The following RPS6KC1 variants were observed in gnomAD, a reference collection of about 807,000 sequenced individuals.
RPS6KC1 encodes ribosomal protein S6 kinase C1.
RPS6KC1 carries 54 observed loss-of-function variants against 103.8 expected under a neutral mutation model. The ratio of observed to expected loss-of-function variants is 0.52; its 90% CI spans 0.42 to 0.65. The LOEUF is 0.65. Ranked by LOEUF, RPS6KC1 falls within the 30% of genes least tolerant of loss-of-function variation. The pLI is 0.00. For synonymous variants in RPS6KC1, 439 were observed against 438.7 expected (o/e 1.00, Z -0.01); for missense variants, 1,151 against 1,253.8 (o/e 0.92, Z 1.24).
chr1:213,671,379 T>G, the RPS6KC1 span, among the ~76,000 whole-genome samples: 2 of 150,424 alleles, frequency 1.3e-5, no homozygotes, highest in Non-Finnish European at 3.0e-5. Flanking sequence ...GGTGGGGAGG[T>G]GGAGGGGAAC....
At chr1:213,511,466 A>G in the RPS6KC1 span, among the ~76,000 whole-genome samples, 3 of 152,214 alleles carry the variant, frequency 2.0e-5, no homozygotes, top group Non-Finnish European at 4.4e-5. Context: ...CCAACTTGTA[A>G]GTATCACTTT....
chr1:213,121,833 A>G (rs1257051501), intron 5 of RPS6KC1, among the ~76,000 whole-genome samples: 2 of 152,176 alleles, frequency 1.3e-5, no homozygotes, highest in African/African-American at 2.4e-5. Flanking sequence ...TGTAACCACA[A>G]AGAAAAATTG....
chr1:213,615,119 A>G, the RPS6KC1 span, among the ~76,000 whole-genome samples: 1 of 152,244 alleles, frequency 6.6e-6, no homozygotes, highest in East Asian at 1.9e-4. Context: ...TGTTAAAACA[A>G]TTGCTATTTG....
intron 10 of RPS6KC1, among the ~76,000 whole-genome samples, chr1:213,238,992 T>C (rs1028534961): frequency 2.6e-5 from 4 of 152,202 alleles, no homozygotes; most frequent in African/African-American, 9.7e-5. Context: ...AATGTGAGTA[T>C]TGTTGTCAAT....
At chr1:213,264,221 G>T (rs2094864048) in intron 14 of RPS6KC1, among the ~76,000 whole-genome samples, 2 of 151,980 alleles carry the variant, frequency 1.3e-5, no homozygotes, top group South Asian at 4.2e-4. Flanking sequence ...AGATTAATTT[G>T]CCCAGAGTAT....
intron 1 of RPS6KC1, among the ~76,000 whole-genome samples, chr1:213,057,752 C>CTTTTTTTTTTTTTTTTTTTTTT (rs869259657): frequency 5.4e-5 from 4 of 73,666 alleles, no homozygotes; most frequent in Admixed American, 2.1e-4. Context: ...TCTGAAGTAT[C>CTTTTTTTTTTTTTTTTTTTTTT]TTTTTTTTTT....
the RPS6KC1 span, among the ~76,000 whole-genome samples, chr1:213,734,884 T>C: frequency 6.6e-6 from 1 of 151,318 alleles, no homozygotes; most frequent in African/African-American, 2.4e-5. Context: ...TGCCCTGTAA[T>C]TGAGAAGTCA....
the RPS6KC1 span, among the ~76,000 whole-genome samples, chr1:213,516,589 C>T: frequency 2.6e-5 from 4 of 152,112 alleles, no homozygotes; most frequent in Non-Finnish European, 5.9e-5. Flanking sequence ...CCTACTTGAT[C>T]ATGGTGGATA....
the RPS6KC1 span, among the ~76,000 whole-genome samples, chr1:213,799,071 G>C: frequency 9.9e-5 from 15 of 152,258 alleles, no homozygotes; most frequent in African/African-American, 3.6e-4. Context: ...GCTGGGTTAA[G>C]GTTACTCTAA....
chr1:213,792,141 A>G, the RPS6KC1 span, among the ~76,000 whole-genome samples: 9 of 152,216 alleles, frequency 5.9e-5, no homozygotes, highest in East Asian at 1.5e-3. Context: ...GGTGCATCTC[A>G]AAGAACATTC....
chr1:213,739,558 G>A, the RPS6KC1 span, among the ~76,000 whole-genome samples: 1 of 152,044 alleles, frequency 6.6e-6, no homozygotes, highest in Admixed American at 6.6e-5. Context: ...CATGTTCCAG[G>A]CATACTGAAT....
the RPS6KC1 span, among the ~76,000 whole-genome samples, chr1:213,553,561 T>G: frequency 7.5e-4 from 114 of 152,310 alleles, no homozygotes; most frequent in African/African-American, 2.6e-3. Context: ...ACTTCTATTT[T>G]AAGTTCTTTG....
chr1:213,261,145 A>G (rs192134230), intron 12 of RPS6KC1, among the ~76,000 whole-genome samples: 180 of 152,312 alleles, frequency 1.2e-3, no homozygotes, highest in African/African-American at 3.2e-3. Context: ...AGGATGATTA[A>G]TATTGGTTTA....
the RPS6KC1 span, among the ~76,000 whole-genome samples, chr1:213,790,294 G>A: frequency 6.6e-6 from 1 of 152,126 alleles, no homozygotes; most frequent in Non-Finnish European, 1.5e-5. Context: ...TCTATCCTAT[G>A]GTCACTTGAT....
the RPS6KC1 span, among the ~76,000 whole-genome samples, chr1:213,833,194 C>G: frequency 6.6e-6 from 1 of 152,220 alleles, no homozygotes; most frequent in Non-Finnish European, 1.5e-5. Flanking sequence ...AGCATGACCA[C>G]TTTCTTCCCT....
chr1:213,588,400 A>G, the RPS6KC1 span, among the ~76,000 whole-genome samples: 2 of 150,550 alleles, frequency 1.3e-5, no homozygotes, highest in African/African-American at 4.9e-5. Flanking sequence ...CTGGGTTCAC[A>G]CCATTTTCCT....
chr1:213,476,448 T>C, the RPS6KC1 span, among the ~76,000 whole-genome samples: 1 of 152,164 alleles, frequency 6.6e-6, no homozygotes, highest in Non-Finnish European at 1.5e-5. Flanking sequence ...GAGTGAATGG[T>C]TTAACTCATT....
chr1:213,073,933 C>G (rs987078081), intron 2 of RPS6KC1, among the ~76,000 whole-genome samples: 1 of 152,086 alleles, frequency 6.6e-6, no homozygotes, highest in African/African-American at 2.4e-5. Context: ...ATCTCGGCCT[C>G]CCAAAATGCT....
chr1:213,395,532 AG>A, the RPS6KC1 span, among the ~76,000 whole-genome samples: 1 of 152,210 alleles, frequency 6.6e-6, no homozygotes, highest in African/African-American at 2.4e-5. Flanking sequence ...GAAACTGGGC[AG>A]GCAGTGAGCT....
Sources: allele counts gnomAD v4.1 joint callset (sites outside exome capture counted in the v4.1 genomes callset), GRCh38; gene constraint gnomAD v4.1.1; transcripts MANE v1.5; gene names NCBI Gene and HGNC (gene_info 2026-07-23, HGNC 2026-07-21).